Variants in IGSF10 observed in about 807,000 individuals in gnomAD.
IGSF10 encodes immunoglobulin superfamily member 10.
Under a neutral mutation model 128.2 loss-of-function variants are expected in IGSF10, and 126 were observed. The observed-to-expected ratio is 0.98, with a 90% CI of 0.85 to 1.14. The LOEUF is 1.14. IGSF10 is among the 50% of genes most tolerant of loss of function. The pLI, the probability that IGSF10 is intolerant of heterozygous loss-of-function variation, is 0.00. For missense variants in IGSF10, 3,295 were observed against 3,149.8 expected, an observed-to-expected ratio of 1.05 and a Z score of -1.10; for synonymous variants, 1,185 against 1,146.2, an observed-to-expected ratio of 1.03 and a Z score of -0.68.
At chr3:151,486,302 G>A in the IGSF10 span, among the ~76,000 whole-genome samples, 1 of 152,100 alleles carries the variant, frequency 6.6e-6, no homozygotes, top group South Asian at 2.1e-4. Context: ...CAATACAGGA[G>A]CACCCAGATA....
At chr3:151,452,706 T>A (rs1721567833) in intron 5 of IGSF10, among the ~76,000 whole-genome samples, 1 of 151,998 alleles carries the variant, frequency 6.6e-6, no homozygotes, top group Non-Finnish European at 1.5e-5. Context: ...ATAAACTAGA[T>A]GCAGGAAAGG....
chr3:151,537,811 G>A, the IGSF10 span, among the ~76,000 whole-genome samples: 1 of 152,130 alleles, frequency 6.6e-6, no homozygotes, highest in Non-Finnish European at 1.5e-5. Context: ...AAAAATTGGA[G>A]CAACATTTTC....
chr3:151,576,490 GA>G, the IGSF10 span, among the ~76,000 whole-genome samples: 333 of 152,272 alleles, frequency 2.2e-3, 1 homozygote, highest in African/African-American at 7.3e-3. Flanking sequence ...TCAAAGGCAT[GA>G]AATTCTCCTT....
chr3:151,563,498 A>G, the IGSF10 span, among the ~76,000 whole-genome samples: 258 of 152,278 alleles, frequency 1.7e-3, 1 homozygote, highest in African/African-American at 6.1e-3. Flanking sequence ...TAACACGTTT[A>G]TGGATATATA....
intron 5 of IGSF10, among the ~76,000 whole-genome samples, chr3:151,452,331 A>G (rs956743381): frequency 1.3e-5 from 2 of 152,236 alleles, no homozygotes; most frequent in African/African-American, 2.4e-5. Flanking sequence ...CACCTAGGCT[A>G]TATGGTAAAG....
chr3:151,589,995 T>C, the IGSF10 span, among the ~76,000 whole-genome samples: 29 of 152,104 alleles, frequency 1.9e-4, no homozygotes, highest in African/African-American at 6.0e-4. Context: ...TATTGGAAAC[T>C]GGTTTTGGGA....
the IGSF10 span, among the ~76,000 whole-genome samples, chr3:151,570,263 C>T: frequency 1.1e-4 from 16 of 152,120 alleles, no homozygotes; most frequent in African/African-American, 3.9e-4. Context: ...AATGGGATTG[C>T]TGGGTCAAAT....
At chr3:151,591,046 G>A in the IGSF10 span, among the ~76,000 whole-genome samples, 1 of 152,122 alleles carries the variant, frequency 6.6e-6, no homozygotes, top group Non-Finnish European at 1.5e-5. Flanking sequence ...GATTCTAATG[G>A]TGGAAGAGAT....
At chr3:151,513,685 CT>C in the IGSF10 span, among the ~76,000 whole-genome samples, 1 of 152,176 alleles carries the variant, frequency 6.6e-6, no homozygotes, top group Non-Finnish European at 1.5e-5. Context: ...CAAACTGTCC[CT>C]GTTTGCAGAT....
the IGSF10 span, among the ~76,000 whole-genome samples, chr3:151,591,950 C>T: frequency 6.6e-6 from 1 of 151,918 alleles, no homozygotes; most frequent in African/African-American, 2.4e-5. Flanking sequence ...TTAATAAAGA[C>T]AAAAATTTAG....
the IGSF10 span, among the ~76,000 whole-genome samples, chr3:151,530,681 ACCAGG>A: frequency 6.6e-6 from 1 of 152,180 alleles, no homozygotes; most frequent in Non-Finnish European, 1.5e-5. Context: ...TTTTGTCCCC[ACCAGG>A]CCTGCCTTAC....
At chr3:151,465,308 A>T (rs1044511836), upstream of IGSF10, among the ~76,000 whole-genome samples, 27 of 152,242 alleles carry the variant, frequency 1.8e-4, no homozygotes, top group African/African-American at 6.0e-4. Flanking sequence ...CTGAGAGAAG[A>T]CTAAGGCAGA....
chr3:151,534,398 C>T, the IGSF10 span, among the ~76,000 whole-genome samples: 1 of 152,144 alleles, frequency 6.6e-6, no homozygotes, highest in Non-Finnish European at 1.5e-5. Flanking sequence ...AGACTTGGAA[C>T]CAACCCAAAT....
the IGSF10 span, among the ~76,000 whole-genome samples, chr3:151,574,543 C>G: frequency 6.6e-6 from 1 of 152,170 alleles, no homozygotes; most frequent in Non-Finnish European, 1.5e-5. Context: ...TCACATAGTT[C>G]TCATGCCATG....
At chr3:151,573,405 G>T in the IGSF10 span, among the ~76,000 whole-genome samples, 1 of 152,166 alleles carries the variant, frequency 6.6e-6, no homozygotes, top group African/African-American at 2.4e-5. Flanking sequence ...TATGAATCTG[G>T]ATTCTCCTGC....
chr3:151,581,383 T>C, the IGSF10 span, among the ~76,000 whole-genome samples: 3 of 152,226 alleles, frequency 2.0e-5, no homozygotes, highest in African/African-American at 4.8e-5. Context: ...AGACAAATTA[T>C]AGTTTTTTTT....
chr3:151,555,543 C>T, the IGSF10 span, among the ~76,000 whole-genome samples: 1 of 152,036 alleles, frequency 6.6e-6, no homozygotes, highest in Admixed American at 6.6e-5. Flanking sequence ...CATGGTATAC[C>T]TCTGAGCCTA....
Position 151,437,224 on chromosome 3 carries a change from C to CTGA in IGSF10, c.7334_7336dup (p.Ile2445dup), listed in dbSNP as rs748062082. On this transcript the variant is annotated inframe_insertion, in exon 8 of 8. Coordinates refer to ENST00000282466, the MANE Select transcript of IGSF10 (RefSeq NM_178822.5). ...ACAATGCAGTGATAGAGATTCTCCA[C>CTGA]TGATGCCTTTTACTGTCCCTGGTGC... is the stretch of plus-strand genomic sequence containing the variant. 354 of 1,614,098 alleles carry CTGA rather than the reference C, an allele frequency of 2.2e-4. 2 individuals carry two copies. The highest frequency in any genetic ancestry group is 2.3e-4 in the Non-Finnish European group (269 of 1,180,046).
At chr3:151,514,127 AG>A in the IGSF10 span, among the ~76,000 whole-genome samples, 1 of 152,088 alleles carries the variant, frequency 6.6e-6, no homozygotes, top group Non-Finnish European at 1.5e-5. Flanking sequence ...AATACTTTAA[AG>A]TTCATATGGA....
Sources: gnomAD v4.1 joint callset for allele counts (sites outside exome capture counted in the v4.1 genomes callset) on GRCh38, gnomAD v4.1.1 for gene constraint, MANE v1.5 for transcripts, NCBI Gene and HGNC (gene_info 2026-07-23, HGNC 2026-07-21) for gene names.